Variants in PTPN13 observed in about 807,000 individuals in gnomAD.
PTPN13 encodes the protein protein tyrosine phosphatase non-receptor type 13.
In PTPN13, 191 loss-of-function variants were observed where a neutral mutation model predicts 284.0. That is an observed-to-expected ratio of 0.67 (90% CI 0.60 to 0.76). PTPN13 has a LOEUF of 0.76. PTPN13 is among the 30% of genes least tolerant of loss of function. PTPN13 has a pLI of 0.00. For missense variants in PTPN13, 2,797 were observed against 2,939.9 expected (o/e 0.95, Z 1.12); for synonymous variants, 986 against 1,022.3 (o/e 0.96, Z 0.68).
At chr4:86,714,575 C>G (rs1283487296) in intron 7 of PTPN13, among the ~76,000 whole-genome samples, 1 of 151,988 alleles carries the variant, frequency 6.6e-6, no homozygotes, top group Non-Finnish European at 1.5e-5. Flanking sequence ...TTTTTGCTTC[C>G]CAAATCCTCA....
chr4:86,665,766 A>G (rs143331434), intron 2 of PTPN13, among the ~76,000 whole-genome samples: 94 of 152,310 alleles, frequency 6.2e-4, no homozygotes, highest in South Asian at 1.7e-3. Context: ...CGGTTTGAGA[A>G]TTAGATCTAT....
chr4:86,810,348 TA>T (rs1212009099), intron 46 of PTPN13, among the ~76,000 whole-genome samples: 1 of 137,258 alleles, frequency 7.3e-6, no homozygotes, highest in Admixed American at 7.4e-5. Context: ...CAAAGGAAAG[TA>T]TTTTTTTAAT....
chr4:86,805,827 T>TA (rs1018949849), intron 44 of PTPN13, among the ~76,000 whole-genome samples: 3 of 152,140 alleles, frequency 2.0e-5, no homozygotes, highest in African/African-American at 7.2e-5. Flanking sequence ...ACTACCAGCC[T>TA]ACATTAGACA....
intron 40 of PTPN13, among the ~76,000 whole-genome samples, chr4:86,790,323 T>C (rs1742470435): frequency 6.6e-6 from 1 of 152,144 alleles, no homozygotes; most frequent in African/African-American, 2.4e-5. Flanking sequence ...AACTGAAAGG[T>C]CATATTACAG....
At chr4:86,680,411 ATCTCTG>A (rs1043656549) in intron 3 of PTPN13, among the ~76,000 whole-genome samples, 4 of 146,960 alleles carry the variant, frequency 2.7e-5, no homozygotes, top group South Asian at 2.2e-4. Flanking sequence ...CTCTATCTCT[ATCTCTG>A]TCTCCATCTC....
intron 15 of PTPN13, 79 bp downstream of exon 15, chr4:86,735,825 G>C: frequency 7.7e-7 from 1 of 1,298,786 alleles, no homozygotes; most frequent in South Asian, 1.5e-5. Flanking sequence ...ACATATCTAA[G>C]AGTTCAAGTG....
intron 1 of PTPN13, among the ~76,000 whole-genome samples, chr4:86,625,758 G>A (rs1223736416): frequency 1.3e-5 from 2 of 152,118 alleles, no homozygotes; most frequent in African/African-American, 2.4e-5. Context: ...AGGTCCTTGC[G>A]ATATGCCCCA....
intron 45 of PTPN13, among the ~76,000 whole-genome samples, chr4:86,809,525 C>G (rs1208584987): frequency 1.3e-5 from 2 of 152,066 alleles, no homozygotes; most frequent in African/African-American, 4.8e-5. Flanking sequence ...TGGTGAAACC[C>G]CATCTCTACT....
chr4:86,683,026 A>G (rs1386493800), intron 3 of PTPN13, among the ~76,000 whole-genome samples: 3 of 152,192 alleles, frequency 2.0e-5, no homozygotes, highest in South Asian at 2.1e-4. Context: ...TGGAACCCAT[A>G]TAAAGTACTG....
chr4:86,750,350 C>G (rs1737242212), intron 17 of PTPN13, 120 bp from the exon 18 acceptor site: 4 of 905,758 alleles, frequency 4.4e-6, no homozygotes, highest in East Asian at 2.5e-5. Flanking sequence ...TTGAAAGCTA[C>G]CTACTTATGC....
chr4:86,646,185 A>T (rs1262833134), intron 2 of PTPN13, among the ~76,000 whole-genome samples: 1 of 152,172 alleles, frequency 6.6e-6, no homozygotes, highest in Non-Finnish European at 1.5e-5. Flanking sequence ...ATAAAAGAAA[A>T]AAAAAGATAC....
intron 3 of PTPN13, among the ~76,000 whole-genome samples, chr4:86,675,920 A>T (rs1456568657): frequency 6.6e-6 from 1 of 152,186 alleles, no homozygotes; most frequent in African/African-American, 2.4e-5. Context: ...GATTTGTACT[A>T]TGTCTCTGAT....
chr4:86,754,865 A>G (rs1051868081), intron 20 of PTPN13, among the ~76,000 whole-genome samples: 3 of 152,054 alleles, frequency 2.0e-5, no homozygotes, highest in African/African-American at 7.2e-5. Context: ...AGTAGGGCCA[A>G]TCCACCTTCA....
At chr4:86,696,229 A>C (rs1423976012) in intron 6 of PTPN13, among the ~76,000 whole-genome samples, 2 of 151,954 alleles carry the variant, frequency 1.3e-5, no homozygotes, top group Admixed American at 1.3e-4. Flanking sequence ...GGACATATAG[A>C]TGCTGGGGAT....
intron 1 of PTPN13, among the ~76,000 whole-genome samples, chr4:86,629,689 T>C (rs1172629781): frequency 3.3e-5 from 5 of 152,156 alleles, no homozygotes; most frequent in Non-Finnish European, 7.4e-5. Context: ...CAAGACCTTA[T>C]TGTGTGCAGA....
chr4:86,710,577 T>C (rs1395171044), intron 7 of PTPN13, among the ~76,000 whole-genome samples: 2 of 152,204 alleles, frequency 1.3e-5, no homozygotes, highest in African/African-American at 2.4e-5. Context: ...GTGTACATGG[T>C]CACATGCCAC....
At chr4:86,781,953 C>T (rs1741353140) in intron 36 of PTPN13, among the ~76,000 whole-genome samples, 1 of 147,928 alleles carries the variant, frequency 6.8e-6, no homozygotes, top group Non-Finnish European at 1.5e-5. Context: ...CAGAGCATGA[C>T]TCTGTCGAAA....
rs12331502 is a variant in PTPN13 at position 86,726,474 on chromosome 4, G to A, written c.1608+4040G>A. 4.7e-5 allele frequency among the ~76,000 whole-genome samples: 7 copies of A among 147,924 alleles called. 2 individuals carry two copies. ...GAGCATGGAATTTTCTTCCATTTGTGTGTGTCTTTTATTTCGTTGAACAGT... is the reference window on the plus strand; with the variant it reads ...GAGCATGGAATTTTCTTCCATTTGTATGTGTCTTTTATTTCGTTGAACAGT... On this transcript the variant is annotated intron_variant, in intron 10 of 47. Transcript: ENST00000411767.
intron 10 of PTPN13, among the ~76,000 whole-genome samples, chr4:86,728,291 G>A (rs1734516186): frequency 6.7e-6 from 1 of 149,574 alleles, no homozygotes; most frequent in South Asian, 2.1e-4. Flanking sequence ...TGTACATTCT[G>A]TTGATTTGGG....
Sources: allele counts gnomAD v4.1 joint callset (sites outside exome capture counted in the v4.1 genomes callset), GRCh38; gene constraint gnomAD v4.1.1; transcripts MANE v1.5; gene names NCBI Gene and HGNC (gene_info 2026-07-23, HGNC 2026-07-21).